Variants in ARMC9 observed in about 807,000 individuals in gnomAD.
ARMC9 encodes the protein lisH domain-containing protein ARMC9.
Under a neutral mutation model 107.0 loss-of-function variants are expected in ARMC9, and 94 were observed. That is an observed-to-expected ratio of 0.88 (90% CI 0.74 to 1.04). The LOEUF (loss-of-function observed/expected upper bound fraction) is 1.04, where lower values mean the gene tolerates loss of function less well. ARMC9 is among the 50% of genes least tolerant of loss of function. The pLI, the probability that ARMC9 is intolerant of heterozygous loss-of-function variation, is 0.00. For synonymous variants in ARMC9, 380 were observed against 396.9 expected, an observed-to-expected ratio of 0.96 and a Z score of 0.51; for missense variants, 942 against 1,030.1, an observed-to-expected ratio of 0.91 and a Z score of 1.17.
chr2:231,214,737 G>T (rs1261606217), intron 3 of ARMC9, 94 bp from the exon 4 acceptor site: 2 of 1,266,058 alleles, frequency 1.6e-6, no homozygotes, highest in East Asian at 2.3e-5. Context: ...CACTGAAAAG[G>T]AGTATATGGG....
intron 12 of ARMC9, among the ~76,000 whole-genome samples, chr2:231,263,506 G>A (rs907448143): frequency 6.6e-6 from 1 of 152,176 alleles, no homozygotes; most frequent in Non-Finnish European, 1.5e-5. Context: ...ACCCACTCCG[G>A]CAATAATGGC....
chr2:231,203,791 C>T (rs1027058519), intron 1 of ARMC9, among the ~76,000 whole-genome samples: 2 of 152,136 alleles, frequency 1.3e-5, no homozygotes, highest in Non-Finnish European at 2.9e-5. Context: ...AAAACCCCGT[C>T]TCTACTAAAA....
intron 21 of ARMC9, among the ~76,000 whole-genome samples, chr2:231,351,003 G>C (rs182404354): frequency 8.8e-6 from 1 of 113,372 alleles, no homozygotes; most frequent in African/African-American, 3.7e-5. Context: ...CTGTCAGCCA[G>C]GCTGGAGTGC....
chr2:231,280,200 T>C (rs2125449862), intron 16 of ARMC9, among the ~76,000 whole-genome samples: 1 of 152,334 alleles, frequency 6.6e-6, no homozygotes, highest in Non-Finnish European at 1.5e-5. Flanking sequence ...ACGCCTGTAA[T>C]CCCAGCAATT....
intron 23 of ARMC9, among the ~76,000 whole-genome samples, chr2:231,361,132 A>G (rs558926336): frequency 1.2e-4 from 18 of 152,342 alleles, no homozygotes; most frequent in African/African-American, 3.8e-4. Context: ...AAGCATGCCC[A>G]TGGGACTAGT....
chr2:231,296,342 A>AT, intron 19 of ARMC9, 89 bp downstream of exon 19: 1 of 1,146,176 alleles, frequency 8.7e-7, no homozygotes, highest in South Asian at 1.4e-5. Context: ...AGAAATGGAG[A>AT]TTTTTCATTC....
At chr2:231,205,625 T>C (rs183055534) in intron 1 of ARMC9, among the ~76,000 whole-genome samples, 3 of 152,332 alleles carry the variant, frequency 2.0e-5, no homozygotes, top group South Asian at 2.1e-4. Context: ...CTTTTGACTT[T>C]AGCCATTGTA....
chr2:231,269,948 T>G (rs1054012067), intron 12 of ARMC9, among the ~76,000 whole-genome samples: 6 of 130,440 alleles, frequency 4.6e-5, no homozygotes, highest in Non-Finnish European at 9.4e-5. Flanking sequence ...GATCTCCTAA[T>G]GAGAGATTTG....
chr2:231,317,643 A>T (rs2042777875), intron 19 of ARMC9, among the ~76,000 whole-genome samples: 1 of 151,902 alleles, frequency 6.6e-6, no homozygotes, highest in Non-Finnish European at 1.5e-5. Flanking sequence ...TAGAATGCTG[A>T]TATTGTCTAA....
chr2:231,331,992 G>T, intron 20 of ARMC9, 95 bp downstream of exon 20: 2 of 1,056,772 alleles, frequency 1.9e-6, no homozygotes, highest in Non-Finnish European at 2.8e-6. Flanking sequence ...GGTTTAGTTT[G>T]GTTTGTTACC....
intron 9 of ARMC9, among the ~76,000 whole-genome samples, chr2:231,251,451 C>T (rs2037290604): frequency 6.6e-6 from 1 of 152,164 alleles, no homozygotes; most frequent in African/African-American, 2.4e-5. Flanking sequence ...AGATGTGAGC[C>T]ACTGCACCCG....
At position 231,303,355 on chromosome 2, in the gene ARMC9, C is replaced by CGCAA. The variant is rs1363559634; in HGVS notation, c.1773+7102_1773+7103insGCAA. On this transcript the variant is annotated intron_variant, in intron 19 of 24. Transcript: ENST00000611582. ...ATCTAGCTATCCTTTATTTTCTTGC[C>CGCAA]TTGCCTGATTGTGCTGGCTAGAGAC... Among the ~76,000 whole-genome samples the CGCAA allele has an allele frequency of 4.6e-5, 7 of 152,282 alleles. No homozygotes were observed. The East Asian group carries it at 9.7e-4, about 21-fold the overall frequency.
At chr2:231,321,746 C>G (rs879688302) in intron 19 of ARMC9, among the ~76,000 whole-genome samples, 9 of 152,136 alleles carry the variant, frequency 5.9e-5, no homozygotes, top group Admixed American at 2.0e-4. Context: ...TTCGGTTACC[C>G]TCTTCCTCTT....
In ARMC9 at chr2:231,353,716, C is replaced by T. The variant is rs548279677; in HGVS notation, c.1995-2082C>T. Among the ~76,000 whole-genome samples the T allele has an allele frequency of 5.9e-5, 9 of 151,958 alleles. No homozygotes were observed. In the South Asian group the frequency reaches 1.7e-3, roughly 28 times the overall value. On this transcript the variant is annotated intron_variant, in intron 21 of 24. Coordinates refer to ENST00000611582, the MANE Select transcript of ARMC9 (RefSeq NM_001352754.2). ...TAACAGTGTTCCCTGCCACCGGCCA[C>T]CTTCCACGACTGTGGATGGAATGAT...
At chr2:231,363,480 T>G (rs2045675710) in intron 23 of ARMC9, among the ~76,000 whole-genome samples, 1 of 152,020 alleles carries the variant, frequency 6.6e-6, no homozygotes, top group African/African-American at 2.4e-5. Context: ...GATGGCACTG[T>G]TTACTTAGCC....
At chr2:231,320,558 C>CAA (rs59261270) in intron 19 of ARMC9, among the ~76,000 whole-genome samples, 4 of 96,120 alleles carry the variant, frequency 4.2e-5, no homozygotes, top group Admixed American at 1.1e-4. Flanking sequence ...CCCTCATGGA[C>CAA]AAAAAAAAAA....
At chr2:231,218,688 G>A (rs971117431) in intron 5 of ARMC9, among the ~76,000 whole-genome samples, 2 of 151,504 alleles carry the variant, frequency 1.3e-5, no homozygotes, top group Non-Finnish European at 2.9e-5. Flanking sequence ...TCTTTTGTTA[G>A]TCTACATATG....
chr2:231,216,514 C>T, intron 4 of ARMC9, 124 bp from the exon 5 acceptor site: 2 of 1,077,452 alleles, frequency 1.9e-6, no homozygotes, highest in East Asian at 2.4e-5. Flanking sequence ...ATGCACCTGC[C>T]AGGTTAGATA....
At chr2:231,365,142 G>C (rs887370330) in intron 23 of ARMC9, among the ~76,000 whole-genome samples, 2 of 152,202 alleles carry the variant, frequency 1.3e-5, no homozygotes, top group African/African-American at 2.4e-5. Context: ...GGCCAGATTA[G>C]GGCAGAGCAG....
Sources: gnomAD v4.1 joint callset for allele counts (sites outside exome capture counted in the v4.1 genomes callset) on GRCh38, gnomAD v4.1.1 for gene constraint, MANE v1.5 for transcripts, NCBI Gene and HGNC (gene_info 2026-07-23, HGNC 2026-07-21) for gene names.